The following RBFOX1 variants were observed in gnomAD, a reference collection of about 807,000 sequenced individuals.
RBFOX1 encodes the protein RNA binding fox-1 homolog 1.
In RBFOX1, 8 loss-of-function variants were observed where a neutral mutation model predicts 57.7. That is an observed-to-expected ratio of 0.14 (90% CI 0.08 to 0.25). RBFOX1 has a LOEUF of 0.25. Ranked by LOEUF, RBFOX1 falls within the 10% of genes least tolerant of loss-of-function variation. The pLI, the probability that RBFOX1 is intolerant of heterozygous loss-of-function variation, is 1.00. For synonymous variants in RBFOX1, 326 were observed against 222.4 expected (o/e 1.47, Z -4.15); for missense variants, 611 against 548.5 (o/e 1.11, Z -1.14).
Position 6,740,907 on chromosome 16 carries a change from T to G in RBFOX1, c.-16+86257T>G, listed in dbSNP as rs541362904. ...GAATAGAAAAGCAAAGAAACTAGAGTTGTTAACACAATTTTGAAAAATAAG... is the reference window on the plus strand; with the variant it reads ...GAATAGAAAAGCAAAGAAACTAGAGGTGTTAACACAATTTTGAAAAATAAG... On this transcript the variant is annotated intron_variant, in intron 3 of 15. Coordinates refer to ENST00000550418, the MANE Select transcript of RBFOX1 (RefSeq NM_018723.4). 2.0e-5 allele frequency among the ~76,000 whole-genome samples: 3 copies of G among 151,874 alleles called. No individual in the cohort carries two copies. In the South Asian group the frequency reaches 6.2e-4, roughly 32 times the overall value.
chr16:6,348,238 A>G (rs2085701304), intron 2 of RBFOX1, among the ~76,000 whole-genome samples: 1 of 152,200 alleles, frequency 6.6e-6, no homozygotes, highest in South Asian at 2.1e-4. Context: ...CTCCAGCTCC[A>G]CTGTTTAGGA....
At chr16:7,461,710 C>A (rs1256506369) in intron 4 of RBFOX1, among the ~76,000 whole-genome samples, 1 of 152,166 alleles carries the variant, frequency 6.6e-6, no homozygotes, top group African/African-American at 2.4e-5. Flanking sequence ...ATATGATAAT[C>A]CACATCCAGC....
At chr16:7,565,728 A>C (rs1567856052) in intron 5 of RBFOX1, among the ~76,000 whole-genome samples, 2 of 152,202 alleles carry the variant, frequency 1.3e-5, no homozygotes, top group African/African-American at 2.4e-5. Flanking sequence ...CTGAGAAATA[A>C]CTTGATTGGT....
intron 3 of RBFOX1, among the ~76,000 whole-genome samples, chr16:6,884,308 G>A (rs973425156): frequency 5.9e-5 from 9 of 152,258 alleles, no homozygotes; most frequent in African/African-American, 2.2e-4. Flanking sequence ...CTGCAGCTCT[G>A]AGCCTTGCTT....
At position 7,676,830 on chromosome 16, in the gene RBFOX1, C is replaced by T; in HGVS notation, c.987C>T (p.Tyr329=). Residue 329 remains tyrosine (Y), a synonymous_variant, in exon 14 of 16, where the codon TAC becomes TAT. Transcript: ENST00000550418. ...CTACCCCTGCCACTGCCGCTGCCTA[C>T]AGTGACAGGTAAGGGTCATCCTTCT... The part of the protein sequence containing the change: ...AQPTPATAAA[Y]SDSYGRVYAA... The T allele has an allele frequency of 3.1e-6, 5 of 1,612,716 alleles. No homozygotes were observed. Among genetic ancestry groups the T allele is most frequent in the Non-Finnish European group, 1.7e-6 (2 of 1,178,850 alleles).
chr16:5,876,071 A>C (rs558924473), intron 4 of RBFOX1, among the ~76,000 whole-genome samples: 1 of 152,138 alleles, frequency 6.6e-6, no homozygotes, highest in East Asian at 1.9e-4. Context: ...TCTTGATCTT[A>C]TGACCTCGTG....
At chr16:5,670,676 G>A (rs2049989651) in intron 3 of RBFOX1, among the ~76,000 whole-genome samples, 1 of 152,144 alleles carries the variant, frequency 6.6e-6, no homozygotes, top group Non-Finnish European at 1.5e-5. Context: ...AAACTGCTAG[G>A]CACCTCACAG....
chr16:6,056,139 G>C (rs1253270098), intron 1 of RBFOX1, among the ~76,000 whole-genome samples: 1 of 152,100 alleles, frequency 6.6e-6, no homozygotes, highest in African/African-American at 2.4e-5. Flanking sequence ...GTCCATAGCT[G>C]CTTGTCATTT....
intron 3 of RBFOX1, among the ~76,000 whole-genome samples, chr16:6,785,940 G>C (rs1481161317): frequency 6.6e-6 from 1 of 152,178 alleles, no homozygotes. Flanking sequence ...TTGTGTACAT[G>C]CATGTGACTT....
At chr16:5,955,320 A>G (rs141508615) in intron 4 of RBFOX1, among the ~76,000 whole-genome samples, 36,087 of 77,390 alleles carry the variant, frequency 0.47, 7,151 homozygotes, top group Admixed American at 0.52. Context: ...ATAAAATAAA[A>G]TAAAATAAAA....
At chr16:5,279,072 G>T (rs1446260530) in intron 1 of RBFOX1, among the ~76,000 whole-genome samples, 1 of 151,902 alleles carries the variant, frequency 6.6e-6, no homozygotes. Context: ...GCTATTTGGG[G>T]TGTTCTGTGG....
At chr16:7,600,240 C>T (rs1409324804) in intron 9 of RBFOX1, among the ~76,000 whole-genome samples, 1 of 152,030 alleles carries the variant, frequency 6.6e-6, no homozygotes, top group South Asian at 2.1e-4. Context: ...GTGTATGGCA[C>T]CTAAGGGGTT....
At chr16:6,220,177 T>A (rs1219288572) in intron 1 of RBFOX1, among the ~76,000 whole-genome samples, 4 of 152,208 alleles carry the variant, frequency 2.6e-5, no homozygotes, top group Non-Finnish European at 5.9e-5. Context: ...TATATATACA[T>A]CTCTGTGTGT....
chr16:5,850,250 A>C (rs536124372), intron 3 of RBFOX1, among the ~76,000 whole-genome samples: 3 of 152,168 alleles, frequency 2.0e-5, no homozygotes, highest in Admixed American at 1.3e-4. Flanking sequence ...AAAGTGAGTG[A>C]GTCTGAAATC....
chr16:7,433,746 C>G lies in RBFOX1; in HGVS notation c.28-84401C>G, dbSNP rs184579037. Reference sequence around the variant, plus strand: ...TCCACCCATCCACCCAACCACCCATCCATCTAATTATCCAGTCATCTAACT... The same window carrying G: ...TCCACCCATCCACCCAACCACCCATGCATCTAATTATCCAGTCATCTAACT... On this transcript the variant is annotated intron_variant, in intron 4 of 15. Transcript: ENST00000550418. Among the ~76,000 whole-genome samples the G allele has an allele frequency of 1.4e-3, 220 of 152,334 alleles. 1 individual carries two copies. Among genetic ancestry groups the G allele is most frequent in the African/African-American group, 5.1e-3 (214 of 41,576 alleles).
chr16:6,694,464 T>C (rs941541983), intron 3 of RBFOX1, among the ~76,000 whole-genome samples: 1 of 152,204 alleles, frequency 6.6e-6, no homozygotes, highest in African/African-American at 2.4e-5. Context: ...AAGAGGGAAA[T>C]GAAAATGTTG....
chr16:6,569,643 C>T (rs1482442315), intron 2 of RBFOX1, among the ~76,000 whole-genome samples: 1 of 152,130 alleles, frequency 6.6e-6, no homozygotes, highest in East Asian at 1.9e-4. Context: ...GCTCTGTCAA[C>T]CTTTCTGTCC....
intron 1 of RBFOX1, among the ~76,000 whole-genome samples, chr16:5,300,376 G>T (rs929827729): frequency 6.6e-6 from 1 of 152,018 alleles, no homozygotes. Context: ...GGGTGGGAGC[G>T]GGTGAGGGAT....
chr16:6,532,381 C>G (rs1269364297), intron 2 of RBFOX1, among the ~76,000 whole-genome samples: 1 of 152,136 alleles, frequency 6.6e-6, no homozygotes, highest in African/African-American at 2.4e-5. Flanking sequence ...GGTTTCAGAG[C>G]TGCCCTAGGC....
Sources: gnomAD v4.1 joint callset for allele counts (sites outside exome capture counted in the v4.1 genomes callset) on GRCh38, gnomAD v4.1.1 for gene constraint, MANE v1.5 for transcripts, NCBI Gene and HGNC (gene_info 2026-07-23, HGNC 2026-07-21) for gene names.